The following LDB2 variants were observed in gnomAD, a reference collection of about 807,000 sequenced individuals.
LDB2 encodes the protein LIM domain binding 2, also known as LIM domain-binding protein 2.
A neutral mutation model predicts 44.3 loss-of-function variants in LDB2; 12 were observed. That is an observed-to-expected ratio of 0.27 (90% CI 0.17 to 0.44). LDB2 has a LOEUF of 0.44. Ranked by LOEUF, LDB2 falls within the 20% of genes least tolerant of loss-of-function variation. LDB2 has a pLI of 1.00. For synonymous variants in LDB2, 164 were observed against 174.8 expected, an observed-to-expected ratio of 0.94 and a Z score of 0.49; for missense variants, 344 against 473.5, an observed-to-expected ratio of 0.73 and a Z score of 2.54.
chr4:16,588,937 G>A, intron 3 of LDB2, 105 bp from the exon 4 acceptor site: 3 of 1,186,146 alleles, frequency 2.5e-6, no homozygotes, highest in Admixed American at 2.0e-5. Context: ...TCCTTGGGCA[G>A]TGCTAGCTCT....
intron 6 of LDB2, among the ~76,000 whole-genome samples, chr4:16,510,270 T>G (rs535562255): frequency 6.6e-6 from 1 of 152,286 alleles, no homozygotes; most frequent in South Asian, 2.1e-4. Context: ...CACCTACTAT[T>G]TTTTTATCGT....
At chr4:16,523,609 T>C (rs1727102993) in intron 5 of LDB2, among the ~76,000 whole-genome samples, 1 of 152,070 alleles carries the variant, frequency 6.6e-6, no homozygotes. Flanking sequence ...GTGTAGATAG[T>C]GTGTATCCAG....
chr4:16,699,322 C>T (rs1303317165), intron 2 of LDB2, among the ~76,000 whole-genome samples: 1 of 152,236 alleles, frequency 6.6e-6, no homozygotes, highest in Non-Finnish European at 1.5e-5. Flanking sequence ...CCAACCAACG[C>T]TATGTGATAA....
chr4:16,513,724 C>T (rs759443861), intron 5 of LDB2, among the ~76,000 whole-genome samples: 1 of 151,994 alleles, frequency 6.6e-6, no homozygotes, highest in African/African-American at 2.4e-5. Flanking sequence ...AAAATGATAC[C>T]CCCAAGTGAA....
intron 5 of LDB2, among the ~76,000 whole-genome samples, chr4:16,526,926 A>T (rs746543622): frequency 6.6e-6 from 1 of 152,242 alleles, no homozygotes; most frequent in Non-Finnish European, 1.5e-5. Flanking sequence ...CAATATAAGC[A>T]TCCAAACGGC....
intron 2 of LDB2, among the ~76,000 whole-genome samples, chr4:16,709,363 T>C (rs1235668919): frequency 6.6e-6 from 1 of 152,158 alleles, no homozygotes; most frequent in East Asian, 1.9e-4. Flanking sequence ...CCATCTTTTA[T>C]TTATAAACCA....
chr4:16,802,176 C>T (rs1031022981), intron 1 of LDB2, among the ~76,000 whole-genome samples: 1 of 152,222 alleles, frequency 6.6e-6, no homozygotes, highest in African/African-American at 2.4e-5. Context: ...GACGCCCATC[C>T]TCTTTGTGGT....
chr4:16,610,104 C>T (rs555267916), intron 2 of LDB2, among the ~76,000 whole-genome samples: 2 of 151,892 alleles, frequency 1.3e-5, no homozygotes, highest in Admixed American at 1.3e-4. Flanking sequence ...ACTGCAGCAC[C>T]CCTACAGAAG....
chr4:16,823,154 T>C (rs148876360), intron 1 of LDB2, among the ~76,000 whole-genome samples: 47 of 152,342 alleles, frequency 3.1e-4, no homozygotes, highest in African/African-American at 1.1e-3. Flanking sequence ...ACATCAGTAC[T>C]GTCACCATAG....
At chr4:16,811,700 G>T (rs1178493644) in intron 1 of LDB2, among the ~76,000 whole-genome samples, 3 of 152,206 alleles carry the variant, frequency 2.0e-5, no homozygotes. Flanking sequence ...AGACACACGT[G>T]TCAACTTATC....
intron 2 of LDB2, among the ~76,000 whole-genome samples, chr4:16,629,456 T>A (rs772354624): frequency 1.7e-4 from 26 of 152,100 alleles, no homozygotes; most frequent in Non-Finnish European, 3.8e-4. Flanking sequence ...TATTTGCTGT[T>A]CTGCACCCTC....
intron 1 of LDB2, among the ~76,000 whole-genome samples, chr4:16,812,629 A>ATGTGTGTG (rs1177533777): frequency 2.6e-4 from 9 of 34,016 alleles, no homozygotes; most frequent in Non-Finnish European, 3.0e-4. Context: ...TGTATTAAAT[A>ATGTGTGTG]TATGTGTGTG....
At chr4:16,897,912 A>ATATATATATATATATATACACATATG (rs1725616494) in intron 1 of LDB2, among the ~76,000 whole-genome samples, 5 of 15,660 alleles carry the variant, frequency 3.2e-4, no homozygotes, top group African/African-American at 1.1e-3. Context: ...ATATATATAT[A>ATATATATATATATATATACACATATG]TATATATATA....
chr4:16,623,522 G>A (rs1203946202), intron 2 of LDB2, among the ~76,000 whole-genome samples: 2 of 152,236 alleles, frequency 1.3e-5, no homozygotes, highest in East Asian at 1.9e-4. Context: ...GCTTGAGCCC[G>A]GGAGGCGGAC....
At chr4:16,759,340 A>AGTTTATTTTTCTAATATT in intron 1 of LDB2, 80 bp from the exon 2 acceptor site, 1 of 1,041,060 alleles carries the variant, frequency 9.6e-7, no homozygotes, top group Non-Finnish European at 1.5e-6. Flanking sequence ...AAGAGAAAGA[A>AGTTTATTTTTCTAATATT]AAACTCAGCT....
chr4:16,648,581 T>A (rs553529375), intron 2 of LDB2, among the ~76,000 whole-genome samples: 5 of 152,218 alleles, frequency 3.3e-5, no homozygotes, highest in Non-Finnish European at 7.3e-5. Flanking sequence ...AGAAAGATAC[T>A]CTGGAGTTTG....
intron 2 of LDB2, among the ~76,000 whole-genome samples, chr4:16,707,537 GTTAA>G (rs1754875580): frequency 2.6e-5 from 4 of 152,208 alleles, no homozygotes; most frequent in Admixed American, 2.6e-4. Flanking sequence ...AATTTCGAGG[GTTAA>G]TTGTTGCAGT....
intron 1 of LDB2, among the ~76,000 whole-genome samples, chr4:16,847,778 A>G (rs1282503312): frequency 1.3e-5 from 2 of 152,132 alleles, no homozygotes; most frequent in Non-Finnish European, 2.9e-5. Flanking sequence ...CACAGTGCCC[A>G]GCTAATTTTT....
At chr4:16,878,358 C>T (rs530262852) in intron 1 of LDB2, among the ~76,000 whole-genome samples, 1 of 152,178 alleles carries the variant, frequency 6.6e-6, no homozygotes, top group Non-Finnish European at 1.5e-5. Flanking sequence ...TCTCTTATTC[C>T]AGTAACCATA....
Sources: gnomAD v4.1 joint callset for allele counts (sites outside exome capture counted in the v4.1 genomes callset) on GRCh38, gnomAD v4.1.1 for gene constraint, MANE v1.5 for transcripts, NCBI Gene and HGNC (gene_info 2026-07-23, HGNC 2026-07-21) for gene names.